The following KIF2B variants were observed in gnomAD, a reference collection of about 807,000 sequenced individuals.
The protein encoded by KIF2B is kinesin-like protein KIF2B.
KIF2B carries 5 observed loss-of-function variants against 6.8 expected under a neutral mutation model. That is an observed-to-expected ratio of 0.74 (90% confidence interval 0.39 to 1.55). The LOEUF is 1.55. Among genes scored for constraint, KIF2B ranks in the 40% most tolerant of loss-of-function variants. The pLI is 0.03. For synonymous variants in KIF2B, 370 were observed against 330.7 expected, an observed-to-expected ratio of 1.12 and a Z score of -1.29; for missense variants, 908 against 831.3, an observed-to-expected ratio of 1.09 and a Z score of -1.13.
rs374105424 is a variant in KIF2B, at chr17:53,823,895, G to C, written c.862G>C (p.Val288Leu). Residue 288 changes from valine to leucine, a missense_variant, in exon 1 of 1, where the codon GTG (valine) becomes CTG (leucine). Val to Leu is a conservative substitution (Grantham distance 32). Transcript: ENST00000268919. ...GTACCAGTTCACCGCCCAGCCACTG[G>C]TGGAGTCCATCTTCCGCAAGGGCAT... ...LVYQFTAQPL[V>L]ESIFRKGMAT... 6.2e-7 allele frequency: 1 copy of C among 1,614,250 alleles called. No individual in the cohort carries two copies. The highest frequency in any genetic ancestry group is 8.5e-7 in the Non-Finnish European group (1 of 1,180,050).
At position 53,823,938 on chromosome 17, in the gene KIF2B, A is replaced by T. The variant is rs779062258; in HGVS notation, c.905A>T (p.Tyr302Phe). Residue 302 changes from tyrosine to phenylalanine, a missense_variant, in exon 1 of 1, where the codon TAT becomes TTT. Tyr to Phe is a conservative substitution (Grantham distance 22). Transcript: ENST00000268919. The stretch of plus-strand genomic sequence containing the variant: ...AAGGGCATGGCCACCTGCTTTGCCT[A>T]TGGGCAGACGGGAAGTGGGAAGACG... ...FRKGMATCFA[Y>F]GQTGSGKTYT... is the part of the protein sequence containing the mutation. 1 of 1,614,214 alleles carries T rather than the reference A, an allele frequency of 6.2e-7. No homozygotes were observed. Among genetic ancestry groups the T allele is most frequent in the Non-Finnish European group, 8.5e-7 (1 of 1,180,052 alleles).
Position 53,823,959 on chromosome 17 carries a change from A to G in KIF2B, c.926A>G (p.Lys309Arg), listed in dbSNP as rs1382034469. The G allele has an allele frequency of 6.2e-7, 1 of 1,614,240 alleles. No homozygotes were observed. Among genetic ancestry groups the G allele is most frequent in the Non-Finnish European group, 8.5e-7 (1 of 1,180,042 alleles). ...CFAYGQTGSGKTYTMGGDFSG... is the reference protein window; with the variant it reads ...CFAYGQTGSGRTYTMGGDFSG... Reference sequence around the variant, plus strand: ...GCCTATGGGCAGACGGGAAGTGGGAAGACGTACACCATGGGTGGAGACTTT... The same window carrying G: ...GCCTATGGGCAGACGGGAAGTGGGAGGACGTACACCATGGGTGGAGACTTT... The change falls in exon 1 of 1, where the codon AAG (lysine) becomes AGG (arginine). Residue 309 changes from lysine (K) to arginine (R), a missense_variant. By Grantham distance (26) the Lys-to-Arg change is conservative (BLOSUM62 2). Coordinates refer to ENST00000268919, the MANE Select transcript of KIF2B (RefSeq NM_032559.5).
chr17:53,823,769 G>C lies in KIF2B; in HGVS notation c.736G>C (p.Val246Leu), dbSNP rs2143781638. 1 of 1,614,114 alleles carries C rather than the reference G, an allele frequency of 6.2e-7. No homozygotes were observed. Among genetic ancestry groups the C allele is most frequent in the South Asian group, 1.1e-5 (1 of 91,062 alleles). ...ITVPSDNVVM[V>L]HESKQKVDLT... ...CGTCCCCTCGGACAATGTGGTTATG[G>C]TGCATGAGTCCAAGCAAAAGGTGGA... Residue 246 changes from valine (V) to leucine (L), a missense_variant, in exon 1 of 1, where the codon GTG (valine) becomes CTG (leucine). Val to Leu is a conservative substitution (Grantham distance 32). Coordinates refer to ENST00000268919, the MANE Select transcript of KIF2B (RefSeq NM_032559.5).
Position 53,824,342 on chromosome 17 carries a change from C to G in KIF2B, c.1309C>G (p.Arg437Gly), listed in dbSNP as rs4561519. The G allele has an allele frequency of 0.83, 1,342,102 of 1,613,948 alleles. 560,657 individuals carry two copies. The highest frequency in any genetic ancestry group is 0.86 in the Middle Eastern group (5,177 of 6,040). The change falls in exon 1 of 1, where the codon CGG (arginine) becomes GGG (glycine). Residue 437 changes from arginine to glycine, a missense_variant. By Grantham distance (125) the Arg-to-Gly change is moderately radical (BLOSUM62 -2). Coordinates refer to ENST00000268919, the MANE Select transcript of KIF2B (RefSeq NM_032559.5). ...GTTCCAGATCATCCTGAAGTCAGGA[C>G]GGATAATGCATGGCAAGTTTTCCCT... ...AVFQIILKSG[R>G]IMHGKFSLVD...
rs766795070 is a variant in KIF2B at position 53,823,895 on chromosome 17, GT to G, written c.863del (p.Val288GlyfsTer81). Reference sequence around the variant, plus strand: ...GTACCAGTTCACCGCCCAGCCACTGGTGGAGTCCATCTTCCGCAAGGGCATG... The same window carrying G: ...GTACCAGTTCACCGCCCAGCCACTGGGGAGTCCATCTTCCGCAAGGGCATG... ...LVYQFTAQPL[V>X]ESIFRKGMAT... On this transcript the variant is annotated frameshift_variant, in exon 1 of 1. Coordinates refer to ENST00000268919, the MANE Select transcript of KIF2B (RefSeq NM_032559.5). LOFTEE classifies it low-confidence loss of function (END_TRUNC). 1 of 1,614,250 alleles carries G rather than the reference GT, an allele frequency of 6.2e-7. No homozygotes were observed. Among genetic ancestry groups the G allele is most frequent in the Non-Finnish European group, 8.5e-7 (1 of 1,180,050 alleles).
chr17:53,823,226 GT>G lies in KIF2B; in HGVS notation c.194del (p.Val65AlafsTer15). 1 of 1,614,168 alleles carries G rather than the reference GT, an allele frequency of 6.2e-7. No homozygotes were observed. Among genetic ancestry groups the G allele is most frequent in the Non-Finnish European group, 8.5e-7 (1 of 1,180,036 alleles). ...CACGGTAGAGTGGGTGGAGAAAGCA[GT>G]CAAAAAAGGCAAGAAGATTGACCTG... ...WVTVEWVEKA[V>X]KKGKKIDLET... On this transcript the variant is annotated frameshift_variant, in exon 1 of 1. Transcript: ENST00000268919. LOFTEE classifies it low-confidence loss of function (END_TRUNC).
Position 53,824,719 on chromosome 17 carries a change from A to G in KIF2B, c.1686A>G (p.Pro562=), listed in dbSNP as rs765986796. The G allele has an allele frequency of 1.2e-6, 2 of 1,614,244 alleles. No homozygotes were observed. ...ACTATCCGATTGGACATGAGGCACCAAGGATGTTAAAAAGTCACATCGGAA... is the reference window on the plus strand; with the variant it reads ...ACTATCCGATTGGACATGAGGCACCGAGGATGTTAAAAAGTCACATCGGAA... ...RGHYPIGHEA[P]RMLKSHIGNS... is the part of the protein sequence containing the mutation. Residue 562 remains proline (P), a synonymous_variant, in exon 1 of 1, where the codon CCA becomes CCG. Transcript: ENST00000268919.
In KIF2B at chr17:53,823,606, C is replaced by A. The variant is rs1597958721; in HGVS notation, c.573C>A (p.Ile191=). The A allele has an allele frequency of 6.2e-7, 1 of 1,613,152 alleles. No individual in the cohort carries two copies. The highest frequency in any genetic ancestry group is 1.1e-5 in the South Asian group (1 of 91,076). Residue 191 remains isoleucine (I), a synonymous_variant, in exon 1 of 1, where the codon ATC becomes ATA. Coordinates refer to ENST00000268919, the MANE Select transcript of KIF2B (RefSeq NM_032559.5). ...CCAACTACGAAATCATGCACATGAT[C>A]GAAGAGTATCGCAGGCACCTGGACA... is the stretch of plus-strand genomic sequence containing the variant. ...RNPNYEIMHM[I]EEYRRHLDSS...
Position 53,824,220 on chromosome 17 carries a change from G to A in KIF2B, c.1187G>A (p.Cys396Tyr), listed in dbSNP as rs1906498047. The change falls in exon 1 of 1, where the codon TGT becomes TAT. Residue 396 changes from cysteine to tyrosine, a missense_variant. Cys to Tyr is a radical substitution (Grantham distance 194). Coordinates refer to ENST00000268919, the MANE Select transcript of KIF2B (RefSeq NM_032559.5). ...GGGCTGCAGGAGAAAGAGGTGTGTT[G>A]TGTGGAGGAAGTGCTGAACCTGGTG... ...VVGLQEKEVC[C>Y]VEEVLNLVEI... is the part of the protein sequence containing the mutation. 6.2e-7 allele frequency: 1 copy of A among 1,614,196 alleles called. No individual in the cohort carries two copies. Among genetic ancestry groups the A allele is most frequent in the Non-Finnish European group, 8.5e-7 (1 of 1,180,030 alleles).
Position 53,824,916 on chromosome 17 carries a change from G to C in KIF2B, c.1883G>C (p.Gly628Ala), listed in dbSNP as rs776993003. ...QWLENIQERA[G>A]GVHHDIDFCI... ...CTGGAAAACATCCAGGAGAGAGCTGGTGGAGTACACCATGATATTGATTTT... is the reference window on the plus strand; with the variant it reads ...CTGGAAAACATCCAGGAGAGAGCTGCTGGAGTACACCATGATATTGATTTT... Residue 628 changes from glycine to alanine, a missense_variant, in exon 1 of 1, where the codon GGT (glycine) becomes GCT (alanine). Transcript: ENST00000268919. 1 of 1,614,100 alleles carries C rather than the reference G, an allele frequency of 6.2e-7. No homozygotes were observed.
rs1398038443 is a variant in KIF2B at position 53,825,028 on chromosome 17, C to G, written c.1995C>G (p.Asp665Glu). 1 of 1,611,112 alleles carries G rather than the reference C, an allele frequency of 6.2e-7. No homozygotes were observed. Among genetic ancestry groups the G allele is most frequent in the Non-Finnish European group, 8.5e-7 (1 of 1,178,434 alleles). Residue 665 changes from aspartate to glutamate, a missense_variant, in exon 1 of 1, where the codon GAC (aspartate) becomes GAG (glutamate). Coordinates refer to ENST00000268919, the MANE Select transcript of KIF2B (RefSeq NM_032559.5). ...IQKKLKLLLADLHVKSKVE is the reference protein window; with the variant it reads ...IQKKLKLLLAELHVKSKVE ...AGAAACTGAAATTATTACTAGCTGACCTCCACGTGAAGAGCAAGGTAGAGT... is the reference window on the plus strand; with the variant it reads ...AGAAACTGAAATTATTACTAGCTGAGCTCCACGTGAAGAGCAAGGTAGAGT...
chr17:53,824,851 G>C lies in KIF2B; in HGVS notation c.1818G>C (p.Gly606=), dbSNP rs756103944. The part of the protein sequence containing the change: ...EEVETLPTLL[G]KDTTISGKGS... ...TTGAAACATTACCCACTCTGTTAGGGAAGGATACCACAATTTCAGGGAAGG... is the reference window on the plus strand; with the variant it reads ...TTGAAACATTACCCACTCTGTTAGGCAAGGATACCACAATTTCAGGGAAGG... Residue 606 remains glycine (G), a synonymous_variant, in exon 1 of 1, where the codon GGG becomes GGC. Transcript: ENST00000268919. 4.3e-6 allele frequency: 7 copies of C among 1,614,000 alleles called. No homozygotes were observed. The highest frequency in any genetic ancestry group is 4.5e-5 in the East Asian group (2 of 44,870).
chr17:53,823,073 T>C lies in KIF2B; in HGVS notation c.40T>C (p.Ser14Pro), dbSNP rs754609985. 2.9e-5 allele frequency: 46 copies of C among 1,613,946 alleles called. No individual in the cohort carries two copies. The Admixed American group carries it at 7.5e-4, about 26-fold the overall frequency. Residue 14 changes from serine (S) to proline (P), a missense_variant, in exon 1 of 1, where the codon TCG (serine) becomes CCG (proline). Coordinates refer to ENST00000268919, the MANE Select transcript of KIF2B (RefSeq NM_032559.5). ...QFCLPESPCL[S>P]PLKPLKPHFG... ...CTGCCTCCCTGAATCCCCATGTCTCTCGCCCCTGAAACCCTTGAAGCCACA... is the reference window on the plus strand; with the variant it reads ...CTGCCTCCCTGAATCCCCATGTCTCCCGCCCCTGAAACCCTTGAAGCCACA...
rs1906497894 is a variant in KIF2B at position 53,824,218 on chromosome 17, T to C, written c.1185T>C (p.Cys395=). 4.3e-6 allele frequency: 7 copies of C among 1,614,000 alleles called. No homozygotes were observed. The highest frequency in any genetic ancestry group is 1.7e-5 in the Admixed American group (1 of 60,000). ...TCGGGCTGCAGGAGAAAGAGGTGTG[T>C]TGTGTGGAGGAAGTGCTGAACCTGG... ...QVVGLQEKEV[C]CVEEVLNLVE... The change falls in exon 1 of 1, where the codon TGT becomes TGC. Residue 395 remains cysteine, a synonymous_variant. Coordinates refer to ENST00000268919, the MANE Select transcript of KIF2B (RefSeq NM_032559.5).
rs2143779211 is a variant in KIF2B at position 53,823,383 on chromosome 17, C to T, written c.350C>T (p.Ala117Val). The stretch of plus-strand genomic sequence containing the variant: ...CAGCGTACCGCCACGAAATGGGTTG[C>T]GATGATCCCCCAGAAAAACCAAACA... The part of the protein sequence containing the change: ...RDQRTATKWV[A>V]MIPQKNQTAS... Residue 117 changes from alanine (A) to valine (V), a missense_variant, in exon 1 of 1, where the codon GCG (alanine) becomes GTG (valine). Coordinates refer to ENST00000268919, the MANE Select transcript of KIF2B (RefSeq NM_032559.5). The T allele has an allele frequency of 6.2e-6, 10 of 1,614,052 alleles. No homozygotes were observed. The highest frequency in any genetic ancestry group is 5.1e-6 in the Non-Finnish European group (6 of 1,180,012).
Position 53,824,168 on chromosome 17 carries a change from G to A in KIF2B, c.1135G>A (p.Asp379Asn), listed in dbSNP as rs868025103. 6.2e-7 allele frequency: 1 copy of A among 1,614,216 alleles called. No homozygotes were observed. The highest frequency in any genetic ancestry group is 8.5e-7 in the Non-Finnish European group (1 of 1,180,044). Reference sequence around the variant, plus strand: ...GAAGAAGAAGCTGCAAGTCCTTGAGGATGGCAATCAGCAAATCCAAGTGGT... The same window carrying A: ...GAAGAAGAAGCTGCAAGTCCTTGAGAATGGCAATCAGCAAATCCAAGTGGT... ...NWKKKLQVLE[D>N]GNQQIQVVGL... The change falls in exon 1 of 1, where the codon GAT becomes AAT. Residue 379 changes from aspartate to asparagine, a missense_variant. Transcript: ENST00000268919.
At position 53,823,522 on chromosome 17, in the gene KIF2B, C is replaced by T. The variant is rs1343291932; in HGVS notation, c.489C>T (p.Arg163=). 6.2e-7 allele frequency: 1 copy of T among 1,613,966 alleles called. No homozygotes were observed. Among genetic ancestry groups the T allele is most frequent in the Non-Finnish European group, 8.5e-7 (1 of 1,180,040 alleles). The change falls in exon 1 of 1, where the codon CGC becomes CGT. Residue 163 remains arginine, a synonymous_variant. Coordinates refer to ENST00000268919, the MANE Select transcript of KIF2B (RefSeq NM_032559.5). ...AACTGCAGGAGCAGCGGGAAAAGCG[C>T]AGGCGGCTGCAGCAGGAGATCCGAG... ...IQKLQEQREK[R]RRLQQEIRAR...
Position 53,823,196 on chromosome 17 carries a change from T to C in KIF2B, c.163T>C (p.Trp55Arg). Residue 55 changes from tryptophan (W) to arginine (R), a missense_variant, in exon 1 of 1, where the codon TGG becomes CGG. Physicochemically the swap from Trp to Arg is moderately radical, Grantham distance 101. Coordinates refer to ENST00000268919, the MANE Select transcript of KIF2B (RefSeq NM_032559.5). ...CACGGAGATCAACAGAGAAAACTAT[T>C]GGGTCACGGTAGAGTGGGTGGAGAA... is the stretch of plus-strand genomic sequence containing the variant. ...VVTEINRENY[W>R]VTVEWVEKAV... The C allele has an allele frequency of 6.2e-7, 1 of 1,614,064 alleles. No individual in the cohort carries two copies. Among genetic ancestry groups the C allele is most frequent in the Non-Finnish European group, 8.5e-7 (1 of 1,179,994 alleles).
rs1217137756 is a variant in KIF2B, at chr17:53,823,622, C to T, written c.589C>T (p.His197Tyr). ...IMHMIEEYRR[H>Y]LDSSKISVLE... Reference sequence around the variant, plus strand: ...GCACATGATCGAAGAGTATCGCAGGCACCTGGACAGCAGCAAGATCTCAGT... The same window carrying T: ...GCACATGATCGAAGAGTATCGCAGGTACCTGGACAGCAGCAAGATCTCAGT... Residue 197 changes from histidine to tyrosine, a missense_variant, in exon 1 of 1, where the codon CAC (histidine) becomes TAC (tyrosine). By Grantham distance (83) the His-to-Tyr change is moderately conservative. Transcript: ENST00000268919. The T allele has an allele frequency of 6.2e-7, 1 of 1,613,490 alleles. No homozygotes were observed. The highest frequency in any genetic ancestry group is 8.5e-7 in the Non-Finnish European group (1 of 1,180,050).
Sources: allele counts gnomAD v4.1 joint callset, GRCh38; gene constraint gnomAD v4.1.1; transcripts MANE v1.5; gene names NCBI Gene and HGNC (gene_info 2026-07-23, HGNC 2026-07-21).